Variants in ASAP1 observed in about 807,000 individuals in gnomAD.
ASAP1 encodes ArfGAP with SH3 domain, ankyrin repeat and PH domain 1, also known as arf-GAP with SH3 domain, ANK repeat and PH domain-containing protein 1.
A neutral mutation model predicts 145.2 loss-of-function variants in ASAP1; 43 were observed. That is an observed-to-expected ratio of 0.30 (90% CI 0.23 to 0.38). The LOEUF is 0.38. Ranked by LOEUF, ASAP1 falls within the 10% of genes least tolerant of loss-of-function variation. ASAP1 has a pLI of 1.00. For missense variants in ASAP1, 1,018 were observed against 1,355.3 expected (o/e 0.75, Z 3.91); for synonymous variants, 546 against 515.5 (o/e 1.06, Z -0.80).
intron 3 of ASAP1, among the ~76,000 whole-genome samples, chr8:130,346,860 T>C (rs1262337954): frequency 3.3e-5 from 5 of 150,814 alleles, no homozygotes; most frequent in African/African-American, 1.2e-4. Flanking sequence ...TATCTAATTT[T>C]ATGTAAATGC....
intron 24 of ASAP1, among the ~76,000 whole-genome samples, chr8:130,094,692 C>T (rs552513712): frequency 2.7e-4 from 41 of 152,098 alleles, no homozygotes; most frequent in Non-Finnish European, 5.4e-4. Flanking sequence ...CCAGGACTGG[C>T]GAGGCACTCA....
chr8:130,271,651 T>A (rs1820594896), intron 3 of ASAP1, among the ~76,000 whole-genome samples: 1 of 152,198 alleles, frequency 6.6e-6, no homozygotes, highest in South Asian at 2.1e-4. Context: ...CAAGGTTTTT[T>A]AAATGAAACT....
chr8:130,174,741 AACAT>A (rs1468319926), intron 9 of ASAP1, among the ~76,000 whole-genome samples: 1 of 152,224 alleles, frequency 6.6e-6, no homozygotes, highest in Non-Finnish European at 1.5e-5. Context: ...TGAGTTAGTG[AACAT>A]ATGCCATCTT....
At chr8:130,235,743 G>T (rs908567255) in intron 4 of ASAP1, among the ~76,000 whole-genome samples, 1 of 152,074 alleles carries the variant, frequency 6.6e-6, no homozygotes, top group Non-Finnish European at 1.5e-5. Flanking sequence ...CAAGGCCTAG[G>T]GGGGTTTAAA....
At chr8:130,084,873 TG>T (rs1424075884) in intron 25 of ASAP1, 1 of 152,250 alleles carries the variant, frequency 6.6e-6, no homozygotes, top group African/African-American at 2.4e-5. Context: ...CTTTTTTACC[TG>T]GAAGTCCCAG....
At chr8:130,372,026 T>C (rs547440285) in intron 2 of ASAP1, among the ~76,000 whole-genome samples, 2 of 152,316 alleles carry the variant, frequency 1.3e-5, no homozygotes, top group South Asian at 4.1e-4. Context: ...GATTGTATAT[T>C]TAAGAGGCTT....
At chr8:130,177,249 C>A (rs771074574) in intron 9 of ASAP1, among the ~76,000 whole-genome samples, 1 of 152,142 alleles carries the variant, frequency 6.6e-6, no homozygotes, top group Non-Finnish European at 1.5e-5. Flanking sequence ...CCATTACTAG[C>A]GAAGGCTAAT....
rs1813845542 is a variant in ASAP1 at position 130,174,856 on chromosome 8, T to C, written c.746+4408A>G. Among the ~76,000 whole-genome samples, 3 of 152,260 alleles carry C rather than the reference T, an allele frequency of 2.0e-5. No homozygotes were observed. In the South Asian group the frequency reaches 6.2e-4, roughly 31 times the overall value. ...CACATTCAGCATTGTGGCTGAACAA[T>C]GTTCCATTTTGATATACCACATTTT... On this transcript the variant is annotated intron_variant, in intron 9 of 29. Transcript: ENST00000518721.
At chr8:130,368,405 T>C (rs1226260901) in intron 2 of ASAP1, among the ~76,000 whole-genome samples, 1 of 152,224 alleles carries the variant, frequency 6.6e-6, no homozygotes, top group African/African-American at 2.4e-5. Flanking sequence ...AGACAGACTT[T>C]TAGCATACTG....
chr8:130,288,471 C>T (rs1821754647), intron 3 of ASAP1, among the ~76,000 whole-genome samples: 2 of 152,160 alleles, frequency 1.3e-5, no homozygotes, highest in South Asian at 2.1e-4. Context: ...AGTGTCCTAC[C>T]TGCAGCTGTG....
At chr8:130,080,478 C>CTCTT (rs869286628) in intron 25 of ASAP1, among the ~76,000 whole-genome samples, 6 of 71,188 alleles carry the variant, frequency 8.4e-5, no homozygotes, top group African/African-American at 2.5e-4. Flanking sequence ...CATTCTCTCT[C>CTCTT]TTTTTTTTTT....
intron 24 of ASAP1, among the ~76,000 whole-genome samples, chr8:130,105,104 A>G (rs1214292585): frequency 2.0e-5 from 3 of 152,312 alleles, no homozygotes; most frequent in African/African-American, 7.2e-5. Context: ...TTGTTTTAAA[A>G]TATGTATACA....
chr8:130,350,872 G>C (rs1825953984), intron 3 of ASAP1, among the ~76,000 whole-genome samples: 1 of 152,200 alleles, frequency 6.6e-6, no homozygotes, highest in South Asian at 2.1e-4. Flanking sequence ...TGAGAGTAGT[G>C]GTTCTTTAGC....
intron 5 of ASAP1, among the ~76,000 whole-genome samples, chr8:130,208,177 C>T (rs189901328): frequency 9.2e-5 from 14 of 152,300 alleles, no homozygotes; most frequent in Admixed American, 8.5e-4. Context: ...CCAATAGTAA[C>T]ATCTTATATA....
At chr8:130,359,865 C>T (rs1826625041) in intron 2 of ASAP1, among the ~76,000 whole-genome samples, 1 of 151,644 alleles carries the variant, frequency 6.6e-6, no homozygotes, top group Admixed American at 6.6e-5. Context: ...CCTCATGATC[C>T]ACCCGCCTCG....
chr8:130,389,471 C>G (rs771353685), intron 2 of ASAP1, among the ~76,000 whole-genome samples: 1 of 152,214 alleles, frequency 6.6e-6, no homozygotes, highest in Non-Finnish European at 1.5e-5. Context: ...ATAGGTATTA[C>G]AAAACCAAAT....
chr8:130,333,289 A>T (rs1026155420), intron 3 of ASAP1, among the ~76,000 whole-genome samples: 1 of 152,202 alleles, frequency 6.6e-6, no homozygotes, highest in Non-Finnish European at 1.5e-5. Flanking sequence ...GAGATTTTTC[A>T]TCTTTATTTC....
chr8:130,276,018 C>T (rs776952334), intron 3 of ASAP1, among the ~76,000 whole-genome samples: 7 of 152,120 alleles, frequency 4.6e-5, no homozygotes, highest in Admixed American at 3.3e-4. Context: ...AAGGAAAGAA[C>T]CAAGTTTCAA....
chr8:130,262,522 T>C (rs1484008337), intron 3 of ASAP1, among the ~76,000 whole-genome samples: 2 of 149,084 alleles, frequency 1.3e-5, no homozygotes, highest in African/African-American at 5.0e-5. Flanking sequence ...AAGTGAATGC[T>C]TGAGGTAGAA....
Sources: gnomAD v4.1 joint callset for allele counts (sites outside exome capture counted in the v4.1 genomes callset) on GRCh38, gnomAD v4.1.1 for gene constraint, MANE v1.5 for transcripts, NCBI Gene and HGNC (gene_info 2026-07-23, HGNC 2026-07-21) for gene names.